Variants in HDAC4 observed in about 807,000 individuals in gnomAD.
HDAC4 encodes the protein histone deacetylase A.
Under a neutral mutation model 135.1 loss-of-function variants are expected in HDAC4, and 16 were observed. The observed-to-expected ratio is 0.12, with a 90% CI of 0.08 to 0.18. HDAC4 has a LOEUF of 0.18. HDAC4 is among the 10% of genes least tolerant of loss of function. The probability of loss-of-function intolerance (pLI) is 1.00; values close to 1 mark genes in which losing one functional copy is unlikely to be tolerated. For missense variants in HDAC4, 1,143 were observed against 1,511.8 expected (o/e 0.76, Z 4.05); for synonymous variants, 685 against 653.4 (o/e 1.05, Z -0.74).
chr2:239,314,735 GAGAT>G (rs2053042996), intron 2 of HDAC4, among the ~76,000 whole-genome samples: 1 of 152,220 alleles, frequency 6.6e-6, no homozygotes, highest in Non-Finnish European at 1.5e-5. Flanking sequence ...TAAAGGTAAA[GAGAT>G]AGAAAGCTGG....
At chr2:239,144,910 A>G (rs2041652046) in intron 7 of HDAC4, among the ~76,000 whole-genome samples, 196 bp from the exon 8 acceptor site, 1 of 152,226 alleles carries the variant, frequency 6.6e-6, no homozygotes, top group African/African-American at 2.4e-5. Context: ...AATAATGAAT[A>G]AAACGAATCT....
chr2:239,182,892 C>T (rs905172170), intron 4 of HDAC4, among the ~76,000 whole-genome samples: 1 of 152,174 alleles, frequency 6.6e-6, no homozygotes, highest in Non-Finnish European at 1.5e-5. Context: ...CCATGGGAAC[C>T]CTCAGTTGGC....
chr2:239,264,121 G>A (rs1158869248), intron 2 of HDAC4, among the ~76,000 whole-genome samples: 1 of 152,212 alleles, frequency 6.6e-6, no homozygotes, highest in East Asian at 1.9e-4. Context: ...CGGGGAGCTC[G>A]TGGGGAGACG....
At chr2:239,207,076 C>T (rs147622721) in intron 3 of HDAC4, among the ~76,000 whole-genome samples, 2,276 of 152,094 alleles carry the variant, frequency 0.015, 35 homozygotes, top group Non-Finnish European at 0.025. Context: ...GGGCTCACTC[C>T]ACCTGCTCTC....
intron 7 of HDAC4, among the ~76,000 whole-genome samples, chr2:239,148,406 T>C (rs757347708): frequency 1.3e-5 from 2 of 152,266 alleles, no homozygotes; most frequent in Non-Finnish European, 2.9e-5. Context: ...GGAGAAATCA[T>C]GAGCAGCAAT....
chr2:239,085,198 T>C (rs1222274093), intron 19 of HDAC4, among the ~76,000 whole-genome samples: 5 of 152,042 alleles, frequency 3.3e-5, no homozygotes, highest in African/African-American at 1.2e-4. Context: ...CCAGGAGACA[T>C]GGCAGCCGTT....
rs564593199 is a variant in HDAC4, at chr2:239,168,734, C to T, written c.491-4811G>A. Among the ~76,000 whole-genome samples the T allele has an allele frequency of 1.8e-4, 28 of 152,324 alleles. 1 individual carries two copies. In the South Asian group the frequency reaches 5.4e-3, roughly 29 times the overall value. On this transcript the variant is annotated intron_variant, in intron 5 of 26. Coordinates refer to ENST00000543185, the MANE Select transcript of HDAC4 (RefSeq NM_001378414.1). ...GGCTTGGGCCCCGCTTACATAAGAG[C>T]CCCCGAGTGGCGTCCACCACAGGGG...
intron 4 of HDAC4, among the ~76,000 whole-genome samples, chr2:239,180,973 C>T (rs1470326837): frequency 6.6e-6 from 1 of 152,230 alleles, no homozygotes; most frequent in African/African-American, 2.4e-5. Context: ...CGGAAGTGGC[C>T]TGGATGGCAG....
chr2:239,275,785 AC>A (rs906883754), intron 2 of HDAC4, among the ~76,000 whole-genome samples: 1 of 151,920 alleles, frequency 6.6e-6, no homozygotes. Context: ...GAACGCCAGG[AC>A]CCCTGCCTTC....
intron 3 of HDAC4, among the ~76,000 whole-genome samples, chr2:239,206,243 G>A (rs1416994115): frequency 6.6e-6 from 1 of 152,184 alleles, no homozygotes; most frequent in Non-Finnish European, 1.5e-5. Context: ...CGGGAAGATG[G>A]CCTGAGCGTG....
intron 2 of HDAC4, among the ~76,000 whole-genome samples, chr2:239,322,428 G>A (rs187138041): frequency 6.6e-6 from 1 of 152,346 alleles, no homozygotes; most frequent in African/African-American, 2.4e-5. Flanking sequence ...AGGTTAGTAG[G>A]ACCCATCCGT....
At chr2:239,089,681 G>C (rs2036313366) in intron 18 of HDAC4, 2 of 279,158 alleles carry the variant, frequency 7.2e-6, no homozygotes, top group Admixed American at 9.8e-5. Flanking sequence ...ATCTCTAATA[G>C]AGTCAATATT....
At chr2:239,273,962 T>G (rs971325963) in intron 2 of HDAC4, among the ~76,000 whole-genome samples, 4 of 152,216 alleles carry the variant, frequency 2.6e-5, no homozygotes, top group Admixed American at 2.6e-4. Context: ...CGTGTTGATG[T>G]GTTAAAGCTG....
rs777643526 is a variant in HDAC4 at position 239,052,803 on chromosome 2, C to T, written c.*294G>A. 131 of 446,184 alleles carry T rather than the reference C, an allele frequency of 2.9e-4. No homozygotes were observed. The highest frequency in any genetic ancestry group is 5.1e-4 in the Non-Finnish European group (126 of 247,108). 27.6% of individuals were successfully genotyped at this position (446,184 alleles called of 1,614,324 possible). A position where few individuals can be genotyped will look rare whatever the true frequency, so the allele number is the denominator to read the frequency against. On this transcript the variant is annotated 3_prime_UTR_variant, in exon 27 of 27. Transcript: ENST00000543185. ...TGCCACAGGCTCCTTTCTTCCACGG[C>T]GTCCCTTGCGGGACCCGCCAGAGTG...
chr2:239,260,006 C>G lies in HDAC4; in HGVS notation c.23-23342G>C, dbSNP rs183868839. Among the ~76,000 whole-genome samples the G allele has an allele frequency of 1.3e-3, 201 of 152,324 alleles. 1 individual carries two copies. The highest frequency in any genetic ancestry group is 4.6e-3 in the African/African-American group (193 of 41,568). ...AGCCCAGGAAGGAAGGCTGAAGACT[C>G]AAGGAGCCAGATGACACCGCTCCCT... is the stretch of plus-strand genomic sequence containing the variant. On this transcript the variant is annotated intron_variant, in intron 2 of 26. Transcript: ENST00000543185.
chr2:239,206,275 C>A (rs2046039244), intron 3 of HDAC4, among the ~76,000 whole-genome samples: 1 of 152,258 alleles, frequency 6.6e-6, no homozygotes, highest in Non-Finnish European at 1.5e-5. Context: ...CTGCAGTGAG[C>A]TGAGATTGCA....
intron 17 of HDAC4, 89 bp downstream of exon 17, chr2:239,094,921 C>T (rs2036866577): frequency 1.9e-6 from 3 of 1,608,390 alleles, no homozygotes; most frequent in Non-Finnish European, 1.7e-6. Flanking sequence ...AGCAATTATT[C>T]ACTTTGAGGG....
chr2:239,132,783 G>A (rs1365869959), intron 11 of HDAC4, among the ~76,000 whole-genome samples: 1 of 152,216 alleles, frequency 6.6e-6, no homozygotes, highest in African/African-American at 2.4e-5. Flanking sequence ...AAGGAAAGAA[G>A]ATAAGTGACA....
chr2:239,191,944 T>C (rs2044990184), intron 3 of HDAC4, among the ~76,000 whole-genome samples: 1 of 152,196 alleles, frequency 6.6e-6, no homozygotes, highest in Admixed American at 6.5e-5. Context: ...GCTGCCTCGT[T>C]GTTATTGTTG....
Sources: allele counts gnomAD v4.1 joint callset (sites outside exome capture counted in the v4.1 genomes callset), GRCh38; gene constraint gnomAD v4.1.1; transcripts MANE v1.5; gene names NCBI Gene and HGNC (gene_info 2026-07-23, HGNC 2026-07-21).